The following KLK5 variants were observed in gnomAD, a reference collection of about 807,000 sequenced individuals.
KLK5 encodes the protein kallikrein related peptidase 5, also known as kallikrein-5.
In KLK5, 18 loss-of-function variants were observed where a neutral mutation model predicts 24.0. That is an observed-to-expected ratio of 0.75 (90% confidence interval 0.52 to 1.11). The LOEUF (loss-of-function observed/expected upper bound fraction) is 1.11, where lower values mean the gene tolerates loss of function less well. KLK5 is among the 50% of genes most tolerant of loss of function. KLK5 has a pLI of 0.00. For synonymous variants in KLK5, 140 were observed against 154.0 expected, an observed-to-expected ratio of 0.91 and a Z score of 0.67; for missense variants, 374 against 379.2, an observed-to-expected ratio of 0.99 and a Z score of 0.11.
intron 5 of KLK5, among the ~76,000 whole-genome samples, chr19:50,946,650 C>G (rs2090637932): frequency 6.6e-6 from 1 of 151,936 alleles, no homozygotes; most frequent in Non-Finnish European, 1.5e-5. Flanking sequence ...AGTTCCGCCT[C>G]CCGGGTTCAG....
At position 50,948,654 on chromosome 19, in the gene KLK5, T is replaced by C. The variant is rs780891300; in HGVS notation, c.712A>G (p.Arg238Gly). Reference sequence around the variant, plus strand: ...GGTGTCCTCACCTGGCAGGAGTCTCTACCTGCTTTGTCACCGGCGCAGAAC... The same window carrying C: ...GGTGTCCTCACCTGGCAGGAGTCTCCACCTGCTTTGTCACCGGCGCAGAAC... ...TMFCAGDKAG[R>G]DSCQGDSGGP... The change falls in exon 5 of 6, where the codon AGA becomes GGA. Residue 238 changes from arginine to glycine, a missense_variant. Physicochemically the swap from Arg to Gly is moderately radical, Grantham distance 125. Transcript: ENST00000336334. 6.2e-7 allele frequency: 1 copy of C among 1,614,012 alleles called. No homozygotes were observed. Among genetic ancestry groups the C allele is most frequent in the African/African-American group, 1.3e-5 (1 of 74,914 alleles).
At chr19:50,949,520 A>T (rs1360125321) in intron 3 of KLK5, among the ~76,000 whole-genome samples, 2 of 149,564 alleles carry the variant, frequency 1.3e-5, no homozygotes, top group African/African-American at 2.5e-5. Flanking sequence ...TTCCACCTCC[A>T]TCCCAAACCA....
chr19:50,945,744 T>C (rs950132086), intron 5 of KLK5, among the ~76,000 whole-genome samples: 1 of 150,420 alleles, frequency 6.6e-6, no homozygotes, highest in East Asian at 2.1e-4. Flanking sequence ...TGAGCTGATA[T>C]GGTGCCATTG....
rs750389754 is a variant in KLK5 at position 50,952,567 on chromosome 19, C to T, written c.73+18G>A. ...TCCTCCCAATCCCACAACCCTCCCA[C>T]CCCAGAGTTCTGGTTACCTGTGACC... On this transcript the variant is annotated intron_variant, in intron 2 of 5. Transcript: ENST00000336334. 1 of 1,582,978 alleles carries T rather than the reference C, an allele frequency of 6.3e-7. No individual in the cohort carries two copies. Among genetic ancestry groups the T allele is most frequent in the Non-Finnish European group, 8.6e-7 (1 of 1,161,738 alleles).
Position 50,949,875 on chromosome 19 carries a change from C to T in KLK5, c.315G>A (p.Thr105=), listed in dbSNP as rs1489999287. The part of the protein sequence containing the change: ...AVLVHPQWLL[T]AAHCRKKVFR... ...CTCACTTCTTCCTGCAGTGGGCGGC[C>T]GTGAGCAGCCACTGTGGATGCACCA... The change falls in exon 3 of 6, where the codon ACG becomes ACA. Residue 105 remains threonine (T), a synonymous_variant. Coordinates refer to ENST00000336334, the MANE Select transcript of KLK5 (RefSeq NM_012427.5). 1 of 1,600,410 alleles carries T rather than the reference C, an allele frequency of 6.2e-7. No individual in the cohort carries two copies. Among genetic ancestry groups the T allele is most frequent in the Non-Finnish European group, 8.5e-7 (1 of 1,173,852 alleles).
Position 50,948,762 on chromosome 19 carries a change from T to C in KLK5, c.604A>G (p.Lys202Glu), listed in dbSNP as rs765507937. Residue 202 changes from lysine (K) to glutamate (E), a missense_variant, in exon 5 of 6, where the codon AAG becomes GAG. Transcript: ENST00000336334. ...TTKSPQVHFP[K>E]VLQCLNISVL... ...CTGATATTCAAGCACTGGAGGACCT[T>C]AGGGAAGTGCACTGTCAAACAGGAA... is the stretch of plus-strand genomic sequence containing the variant. The C allele has an allele frequency of 1.2e-5, 20 of 1,613,858 alleles. No homozygotes were observed. Among genetic ancestry groups the C allele is most frequent in the Admixed American group, 1.7e-5 (1 of 59,980 alleles).
chr19:50,948,530 AG>A, intron 5 of KLK5, 109 bp downstream of exon 5: 3 of 1,041,868 alleles, frequency 2.9e-6, no homozygotes, highest in Non-Finnish European at 1.4e-6. Context: ...CTGTGAGAAC[AG>A]GGGTCCTGAC....
chr19:50,945,355 C>T (rs531879174), intron 5 of KLK5, among the ~76,000 whole-genome samples: 8 of 151,428 alleles, frequency 5.3e-5, no homozygotes, highest in South Asian at 2.1e-4. Flanking sequence ...GAGGTCCACG[C>T]GGCAGGAAGT....
chr19:50,948,575 C>A, intron 5 of KLK5, 65 bp downstream of exon 5: 2 of 1,560,954 alleles, frequency 1.3e-6, no homozygotes, highest in Non-Finnish European at 1.8e-6. Flanking sequence ...CAGAATTTGG[C>A]AACGCTCCAT....
At chr19:50,946,811 G>A (rs551908797) in intron 5 of KLK5, among the ~76,000 whole-genome samples, 23 of 151,946 alleles carry the variant, frequency 1.5e-4, no homozygotes, top group Non-Finnish European at 2.4e-4. Context: ...CACCCGCCTC[G>A]GCCTCCCAAA....
intron 3 of KLK5, 67 bp from the exon 4 acceptor site, chr19:50,949,182 C>T (rs983269305): frequency 2.6e-6 from 4 of 1,531,400 alleles, no homozygotes; most frequent in East Asian, 2.3e-5. Context: ...CCAATCCCAA[C>T]CCCACACCCA....
rs544711223 is a variant in KLK5, at chr19:50,951,011, A to AG, written c.74-896dup. Among the ~76,000 whole-genome samples the AG allele has an allele frequency of 3.0e-3, 459 of 151,632 alleles. 2 individuals are homozygous for AG. The highest frequency in any genetic ancestry group is 0.012 in the South Asian group (58 of 4,788). ...GGCGGGGTCCACTAGAGTCTGGCCT[A>AG]GGGGCGTGGTTGAGGAAAGGAGGTG... On this transcript the variant is annotated intron_variant, in intron 2 of 5. Transcript: ENST00000336334.
Position 50,947,570 on chromosome 19 carries a change from T to A in KLK5, c.726+1070A>T, listed in dbSNP as rs1382975384. On this transcript the variant is annotated intron_variant, in intron 5 of 5. Transcript: ENST00000336334. The surrounding 1 kb of genome is among the most constrained non-coding windows in gnomAD (Gnocchi z 8.7). ...TTATGCAGATTCTTGACCACAGAGT[T>A]TTTTATTTTTTAACTTTGTTCCTCC... Among the ~76,000 whole-genome samples, 1 of 152,182 alleles carries A rather than the reference T, an allele frequency of 6.6e-6. No individual in the cohort carries two copies. Among genetic ancestry groups the A allele is most frequent in the Non-Finnish European group, 1.5e-5 (1 of 68,028 alleles).
chr19:50,952,574 G>T lies in KLK5; in HGVS notation c.73+11C>A. ...AATCCCACAACCCTCCCACCCCAGA[G>T]TTCTGGTTACCTGTGACCCCCAGAA... is the stretch of plus-strand genomic sequence containing the variant. On this transcript the variant is annotated intron_variant, in intron 2 of 5. Transcript: ENST00000336334. 6.3e-7 allele frequency: 1 copy of T among 1,591,110 alleles called. No homozygotes were observed. The highest frequency in any genetic ancestry group is 1.1e-5 in the South Asian group (1 of 88,750).
In KLK5 at chr19:50,943,713, G is replaced by C. The variant is rs1458718905; in HGVS notation, c.800C>G (p.Ala267Gly). The change falls in exon 6 of 6, where the codon GCC (alanine) becomes GGC (glycine). Residue 267 changes from alanine (A) to glycine (G), a missense_variant. Physicochemically the swap from Ala to Gly is moderately conservative, Grantham distance 60. Transcript: ENST00000336334. Reference sequence around the variant, plus strand: ...GTAGACACCCGGTCTGTTGGGCCGGGCACAAGGGTAATCTCCCCAGGACAC... The same window carrying C: ...GTAGACACCCGGTCTGTTGGGCCGGCCACAAGGGTAATCTCCCCAGGACAC... ...GLVSWGDYPCARPNRPGVYTN... is the reference protein window; with the variant it reads ...GLVSWGDYPCGRPNRPGVYTN... The C allele has an allele frequency of 6.2e-7, 1 of 1,613,916 alleles. No individual in the cohort carries two copies.
chr19:50,950,098 T>C lies in KLK5; in HGVS notation c.92A>G (p.Asn31Ser), dbSNP rs1311202038. The change falls in exon 3 of 6, where the codon AAT (asparagine) becomes AGT (serine). Residue 31 changes from asparagine (N) to serine (S), a missense_variant. Transcript: ENST00000336334. ...AGAGGGGTGGTCACAGGAAACATCA[T>C]TGTTGGCGAGAACATGCTCTGGGAA... ...LGVTEHVLANNDVSCDHPSNT... is the reference protein window; with the variant it reads ...LGVTEHVLANSDVSCDHPSNT... 8.7e-6 allele frequency: 14 copies of C among 1,611,410 alleles called. No homozygotes were observed. The highest frequency in any genetic ancestry group is 1.1e-5 in the Non-Finnish European group (13 of 1,178,506).
At chr19:50,952,399 GAC>G (rs1248274042) in intron 2 of KLK5, among the ~76,000 whole-genome samples, 184 bp downstream of exon 2, 1 of 152,018 alleles carries the variant, frequency 6.6e-6, no homozygotes, top group Non-Finnish European at 1.5e-5. Flanking sequence ...CCCCCTCCCC[GAC>G]ACACACCGTG....
At position 50,949,680 on chromosome 19, in the gene KLK5, C is replaced by T. The variant is rs189351665; in HGVS notation, c.335+175G>A. 5.4e-4 allele frequency among the ~76,000 whole-genome samples: 79 copies of T among 146,538 alleles called. 1 individual carries two copies. The highest frequency in any genetic ancestry group is 1.2e-4 in the Non-Finnish European group (8 of 66,340). ...TTAGTCCTATCCCCAACTCGACCTC[C>T]TCCTGCTCCCACATCCCCAACCCAT... On this transcript the variant is annotated intron_variant, in intron 3 of 5. Coordinates refer to ENST00000336334, the MANE Select transcript of KLK5 (RefSeq NM_012427.5).
chr19:50,949,800 C>CCAGCCCTCACCTCCCTGACAA lies in KLK5; in HGVS notation c.335+54_335+55insTTGTCAGGGAGGTGAGGGCTG. On this transcript the variant is annotated intron_variant, in intron 3 of 5. Transcript: ENST00000336334. ...TGACACCCCCACCCCCACTTCCCCA[C>CCAGCCCTCACCTCCCTGACAA]CCCCACCCCCACTTCCCCGTCCCCA... 4.2e-5 allele frequency: 10 copies of CCAGCCCTCACCTCCCTGACAA among 235,562 alleles called. 1 individual carries two copies. The highest frequency in any genetic ancestry group is 2.4e-4 in the South Asian group (5 of 21,252). 14.6% of individuals were successfully genotyped at this position (235,562 alleles called of 1,614,324 possible). A position where few individuals can be genotyped will look rare whatever the true frequency, so the allele number is the denominator to read the frequency against.
Sources: gnomAD v4.1 joint callset for allele counts (sites outside exome capture counted in the v4.1 genomes callset) on GRCh38, gnomAD v4.1.1 for gene constraint, Gnocchi (gnomAD v3.1) non-coding constraint, MANE v1.5 for transcripts, NCBI Gene and HGNC (gene_info 2026-07-23, HGNC 2026-07-21) for gene names.